Variants in KDM5C observed in about 807,000 individuals in gnomAD.
KDM5C encodes the protein lysine demethylase 5C.
In KDM5C, 16 loss-of-function variants were observed where a neutral mutation model predicts 110.6. The ratio of observed to expected loss-of-function variants is 0.14; its 90% CI spans 0.10 to 0.22. The LOEUF is 0.22. KDM5C is among the 10% of genes least tolerant of loss of function. The probability of loss-of-function intolerance (pLI) is 1.00; values close to 1 mark genes in which losing one functional copy is unlikely to be tolerated. For missense variants in KDM5C, 681 were observed against 1,300.9 expected (o/e 0.52, Z 7.33); for synonymous variants, 511 against 520.4 (o/e 0.98, Z 0.24).
chrX:53,205,793 G>C (rs1556844900), intron 12 of KDM5C, among the ~76,000 whole-genome samples: 1 of 112,332 alleles, frequency 8.9e-6, no homozygotes, highest in African/African-American at 3.2e-5. Flanking sequence ...GACCAGAGAG[G>C]CCTTGCACAA....
chrX:53,205,884 T>C (rs1305110047), intron 12 of KDM5C, among the ~76,000 whole-genome samples: 1 of 111,861 alleles, frequency 8.9e-6, no homozygotes, highest in Admixed American at 9.6e-5. Context: ...AGAAGGGGTC[T>C]TACTATGCCA....
chrX:53,193,305 G>A lies in KDM5C; in HGVS notation c.4345C>T (p.Arg1449Trp), dbSNP rs2146813558. 1 of 1,209,714 alleles carries A rather than the reference G, an allele frequency of 8.3e-7. No homozygotes were observed. Among genetic ancestry groups the A allele is most frequent in the Non-Finnish European group, 1.1e-6 (1 of 895,056 alleles). ...ELEKAERHGSRARGRALERRR... is the reference protein window; with the variant it reads ...ELEKAERHGSWARGRALERRR... ...CTCTCCAGGGCCCGGCCCCGAGCCC[G>A]ACTCCCGTGACGCTCTGCCTTCTCC... The change falls in exon 26 of 26, where the codon CGG (arginine) becomes TGG (tryptophan). Residue 1449 changes from arginine to tryptophan, a missense_variant. Transcript: ENST00000375401.
intron 12 of KDM5C, 104 bp downstream of exon 12, chrX:53,210,310 A>C (rs1216283380): frequency 5.7e-6 from 6 of 1,045,761 alleles, no homozygotes; most frequent in Non-Finnish European, 7.9e-6. Flanking sequence ...GCAATGAAGA[A>C]AGGCCAGGGG....
chrX:53,205,314 A>T (rs1384653445), intron 12 of KDM5C, among the ~76,000 whole-genome samples: 1 of 112,141 alleles, frequency 8.9e-6, no homozygotes, highest in Non-Finnish European at 1.9e-5. Context: ...GAGAATTAAC[A>T]TCCTAACAAT....
Position 53,194,911 on chromosome X carries a change from T to A in KDM5C, c.3438+20A>T, listed in dbSNP as rs782767705. The A allele has an allele frequency of 2.5e-6, 3 of 1,207,432 alleles. No homozygotes were observed. In the East Asian group the frequency reaches 8.9e-5, roughly 36 times the overall value. On this transcript the variant is annotated intron_variant, in intron 22 of 25. Transcript: ENST00000375401. ...TATCATCACCAAGCCCTTCTCCCCA[T>A]CTGTGTCGAAGCTCCTTACCACAGA...
At chrX:53,214,907 T>C in intron 7 of KDM5C, 60 bp from the exon 8 acceptor site, 1 of 1,140,433 alleles carries the variant, frequency 8.8e-7, no homozygotes, top group Non-Finnish European at 1.2e-6. Context: ...GCTGGCTGAA[T>C]GATTTACAGC....
At chrX:53,185,278 C>T (rs1305220963) in intron 25 of KDM5C, among the ~76,000 whole-genome samples, 1 of 111,746 alleles carries the variant, frequency 8.9e-6, no homozygotes, top group Non-Finnish European at 1.9e-5. Flanking sequence ...TAGAAACCTC[C>T]CACATGGTCT....
At chrX:53,181,061 G>A (rs782107031) in intron 25 of KDM5C, among the ~76,000 whole-genome samples, 2 of 109,177 alleles carry the variant, frequency 1.8e-5, no homozygotes, top group South Asian at 3.9e-4. Context: ...CAAGTGATCC[G>A]CCCACCTCGG....
intron 25 of KDM5C, among the ~76,000 whole-genome samples, chrX:53,184,651 A>T (rs1373976571): frequency 8.9e-6 from 1 of 112,210 alleles, no homozygotes; most frequent in Non-Finnish European, 1.9e-5. Context: ...CCATTCTTGC[A>T]TTCCTAAGAT....
At chrX:53,190,071 G>A (rs1556829527), downstream of KDM5C, among the ~76,000 whole-genome samples, 1 of 112,248 alleles carries the variant, frequency 8.9e-6, no homozygotes, top group Non-Finnish European at 1.9e-5. Flanking sequence ...ATGACTTTGA[G>A]GTGAGAAGAT....
At chrX:53,182,040 G>A (rs1283314635) in intron 25 of KDM5C, among the ~76,000 whole-genome samples, 2 of 110,568 alleles carry the variant, frequency 1.8e-5, no homozygotes, top group African/African-American at 6.6e-5. Context: ...AGCCCGCCTC[G>A]GCCTCCCAAA....
At chrX:53,218,733 G>A (rs1210658764) in intron 2 of KDM5C, 5 of 327,616 alleles carry the variant, frequency 1.5e-5, no homozygotes, top group Non-Finnish European at 2.8e-5. Flanking sequence ...ACGCCACCAC[G>A]CCCGGCTAAT....
rs370823889 is a variant in KDM5C at position 53,179,346 on chromosome X, G to T, written c.4309-2724C>A. 9.9e-5 allele frequency among the ~76,000 whole-genome samples: 11 copies of T among 111,290 alleles called. No individual in the cohort carries two copies. In the East Asian group the frequency reaches 2.5e-3, roughly 25 times the overall value. On this transcript the variant is annotated intron_variant, in intron 25 of 25. Transcript: ENST00000685641. ...CTCTCCAAAAAAAAAACAAGACACT[G>T]TCAAGAGAATGAGAAAACAAACTAT...
chrX:53,185,239 G>A (rs189655551), intron 25 of KDM5C, among the ~76,000 whole-genome samples: 1 of 112,074 alleles, frequency 8.9e-6, no homozygotes, highest in East Asian at 2.8e-4. Context: ...AATGGAATAT[G>A]AGAAGTGATG....
In KDM5C at chrX:53,211,474, G is replaced by A. The variant is rs782618488; in HGVS notation, c.1401+23C>T. On this transcript the variant is annotated intron_variant, in intron 10 of 25. Transcript: ENST00000375401. ...TTGCCTAAGCTCACACAGCTGACACGTAACCATGAATCATCCACTCACCTC... is the reference window on the plus strand; with the variant it reads ...TTGCCTAAGCTCACACAGCTGACACATAACCATGAATCATCCACTCACCTC... 10 of 1,205,169 alleles carry A rather than the reference G, an allele frequency of 8.3e-6. No individual in the cohort carries two copies. The Admixed American group carries it at 1.8e-4, about 21-fold the overall frequency.
At chrX:53,207,956 G>A (rs1371751806) in intron 12 of KDM5C, among the ~76,000 whole-genome samples, 10 of 85,382 alleles carry the variant, frequency 1.2e-4, no homozygotes, top group Non-Finnish European at 1.5e-4. Context: ...GTGACAGAGC[G>A]AGACTCTGTC....
intron 1 of KDM5C, among the ~76,000 whole-genome samples, chrX:53,222,170 A>C (rs782583589): frequency 9.0e-6 from 1 of 110,800 alleles, no homozygotes; most frequent in African/African-American, 3.3e-5. Context: ...ATCAATGTTC[A>C]TACATACATG....
chrX:53,213,126 A>G (rs1252863251), intron 8 of KDM5C, among the ~76,000 whole-genome samples: 1 of 112,468 alleles, frequency 8.9e-6, no homozygotes, highest in Non-Finnish European at 1.9e-5. Context: ...CTCATTTTGT[A>G]CCTATGTTCA....
At chrX:53,217,027 A>G (rs1556852254) in intron 5 of KDM5C, 116 bp downstream of exon 5, 1 of 905,192 alleles carries the variant, frequency 1.1e-6, no homozygotes, top group Non-Finnish European at 1.6e-6. Flanking sequence ...TAATGCTCAG[A>G]AGAACTCAGA....
Sources: gnomAD v4.1 joint callset for allele counts (sites outside exome capture counted in the v4.1 genomes callset) on GRCh38, gnomAD v4.1.1 for gene constraint, MANE v1.5 for transcripts, NCBI Gene and HGNC (gene_info 2026-07-23, HGNC 2026-07-21) for gene names.